Variants in ANK1 observed in about 807,000 individuals in gnomAD.
ANK1 encodes the protein ankyrin-1.
In ANK1, 51 loss-of-function variants were observed where a neutral mutation model predicts 210.4. The ratio of observed to expected loss-of-function variants is 0.24; its 90% CI spans 0.19 to 0.31. The LOEUF is 0.31. Among genes scored for constraint, ANK1 ranks in the 10% least tolerant of loss-of-function variants. The pLI, the probability that ANK1 is intolerant of heterozygous loss-of-function variation, is 1.00. For missense variants in ANK1, 2,051 were observed against 2,504.4 expected (o/e 0.82, Z 3.86); for synonymous variants, 967 against 1,025.9 (o/e 0.94, Z 1.10).
intron 2 of ANK1, among the ~76,000 whole-genome samples, chr8:41,750,022 G>A (rs1837293569): frequency 1.3e-5 from 2 of 152,220 alleles, no homozygotes; most frequent in South Asian, 4.1e-4. Flanking sequence ...AATGGAAATT[G>A]AATGCCGTGA....
chr8:41,788,706 C>A (rs1453596305), intron 1 of ANK1, among the ~76,000 whole-genome samples: 1 of 152,146 alleles, frequency 6.6e-6, no homozygotes, highest in Admixed American at 6.5e-5. Flanking sequence ...CCTCATCAAA[C>A]CTTACTGGTA....
intron 1 of ANK1, among the ~76,000 whole-genome samples, chr8:41,859,077 AG>A: frequency 6.6e-6 from 1 of 152,360 alleles, no homozygotes; most frequent in Admixed American, 6.5e-5. Flanking sequence ...GGACGCTGAA[AG>A]GGGTCAAGGG....
chr8:41,833,617 TCTC>T (rs1342401322), intron 1 of ANK1, among the ~76,000 whole-genome samples: 10 of 152,148 alleles, frequency 6.6e-5, no homozygotes, highest in Non-Finnish European at 1.3e-4. Flanking sequence ...GTCTAGGACA[TCTC>T]CTTGTCCCTG....
chr8:41,706,695 G>A (rs1824678204), intron 17 of ANK1, among the ~76,000 whole-genome samples: 2 of 152,222 alleles, frequency 1.3e-5, no homozygotes, highest in African/African-American at 4.8e-5. Flanking sequence ...TCAGAGCCCT[G>A]TAGCCTTGGT....
At chr8:41,853,975 G>T (rs1811744111) in intron 1 of ANK1, among the ~76,000 whole-genome samples, 1 of 152,090 alleles carries the variant, frequency 6.6e-6, no homozygotes, top group Non-Finnish European at 1.5e-5. Context: ...CGCTCAATTT[G>T]GGCTTAATAT....
intron 12 of ANK1, 27 bp downstream of exon 12, chr8:41,717,577 C>A (rs2150639535): frequency 6.5e-7 from 1 of 1,541,984 alleles, no homozygotes; most frequent in South Asian, 1.2e-5. Context: ...TCTAGGGGAG[C>A]AAGCCCCTGC....
rs1479766520 is a variant in ANK1, at chr8:41,732,138, G to GTAGT, written c.228+1829_228+1832dup. ...ATGATTCTACCTTCATAATATTTTG[G>GTAGT]TAGTTCACTTCATAACCATAAATTA... On this transcript the variant is annotated intron_variant, in intron 3 of 42. Transcript: ENST00000289734. Among the ~76,000 whole-genome samples, 12 of 152,126 alleles carry GTAGT rather than the reference G, an allele frequency of 7.9e-5. No homozygotes were observed. In the East Asian group the frequency reaches 9.6e-4, roughly 12 times the overall value.
Position 41,672,879 on chromosome 8 carries a change from G to A in ANK1, c.4571C>T (p.Pro1524Leu). Residue 1524 changes from proline (P) to leucine (L), a missense_variant, in exon 38 of 43, where the codon CCT becomes CTT. Physicochemically the swap from Pro to Leu is moderately conservative, Grantham distance 98 (BLOSUM62 -3). This residue lies in a region of ANK1 where 496 missense variants were observed against 533.4 expected (regional missense o/e 0.93). Coordinates refer to ENST00000289734, the MANE Select transcript of ANK1 (RefSeq NM_000037.4). ...GGAAAGTGCACAGCCCAGGGAGGCA[G>A]GGGACAGCAGCTCGTCCTGCAGTGA... The part of the protein sequence containing the change: ...YSSLQDELLS[P>L]ASLGCALSSP... 1.2e-6 allele frequency: 2 copies of A among 1,605,834 alleles called. No homozygotes were observed. The highest frequency in any genetic ancestry group is 1.7e-6 in the Non-Finnish European group (2 of 1,179,934).
intron 1 of ANK1, among the ~76,000 whole-genome samples, chr8:41,873,304 C>T (rs1307037792): frequency 1.3e-5 from 2 of 152,216 alleles, no homozygotes; most frequent in Admixed American, 1.3e-4. Context: ...TCCATCACAT[C>T]CTGACAGTGC....
At chr8:41,752,798 G>GA (rs140896334) in intron 2 of ANK1, among the ~76,000 whole-genome samples, 100 of 145,904 alleles carry the variant, frequency 6.9e-4, no homozygotes, top group Middle Eastern at 3.6e-3. Flanking sequence ...GCACACACAG[G>GA]CCCCCCCCCA....
intron 1 of ANK1, among the ~76,000 whole-genome samples, chr8:41,782,767 T>A (rs1453629473): frequency 1.3e-5 from 2 of 152,204 alleles, no homozygotes; most frequent in Non-Finnish European, 2.9e-5. Flanking sequence ...TATGCGAAAC[T>A]AAGTAAGCAA....
At chr8:41,757,898 C>T in intron 2 of ANK1, 138 bp downstream of exon 2, 5 of 848,390 alleles carry the variant, frequency 5.9e-6, no homozygotes, top group East Asian at 2.4e-5. Context: ...AGGTTAGGGC[C>T]TTCCACAGGC....
intron 2 of ANK1, among the ~76,000 whole-genome samples, chr8:41,755,673 A>G (rs899239814): frequency 6.6e-6 from 1 of 152,220 alleles, no homozygotes; most frequent in African/African-American, 2.4e-5. Flanking sequence ...AGAAGGTCCC[A>G]GACCCTGTCT....
intron 17 of ANK1, among the ~76,000 whole-genome samples, chr8:41,708,511 T>C (rs530562258): frequency 1.3e-5 from 2 of 152,368 alleles, no homozygotes; most frequent in African/African-American, 4.8e-5. Context: ...TTGATCTTTC[T>C]GCAGATCCTT....
At chr8:41,740,164 T>C (rs1425039038) in intron 2 of ANK1, among the ~76,000 whole-genome samples, 1 of 42,578 alleles carries the variant, frequency 2.3e-5, no homozygotes, top group African/African-American at 4.2e-5. Context: ...TGTTTTTGAT[T>C]TTTTTTTTTT....
chr8:41,805,802 C>T (rs953416321), intron 1 of ANK1, among the ~76,000 whole-genome samples: 1 of 152,172 alleles, frequency 6.6e-6, no homozygotes, highest in East Asian at 1.9e-4. Flanking sequence ...AAAACAGATA[C>T]GTTCCCATAT....
At chr8:41,827,163 T>C (rs542604845) in intron 1 of ANK1, among the ~76,000 whole-genome samples, 27 of 152,390 alleles carry the variant, frequency 1.8e-4, no homozygotes, top group African/African-American at 5.5e-4. Context: ...TTGAGCTCCA[T>C]ATTCCCCTAC....
intron 1 of ANK1, among the ~76,000 whole-genome samples, chr8:41,832,003 A>C (rs960142618): frequency 6.6e-6 from 1 of 152,154 alleles, no homozygotes; most frequent in Non-Finnish European, 1.5e-5. Context: ...CTGTGGTGGC[A>C]GGGGTGGGAA....
At chr8:41,721,764 C>T (rs1302196425) in intron 9 of ANK1, among the ~76,000 whole-genome samples, 1 of 151,708 alleles carries the variant, frequency 6.6e-6, no homozygotes, top group Non-Finnish European at 1.5e-5. Context: ...TTGTTTAAGC[C>T]ACTCAGCATG....
Sources: allele counts gnomAD v4.1 joint callset (sites outside exome capture counted in the v4.1 genomes callset), GRCh38; gene constraint gnomAD v4.1.1; regional missense constraint gnomAD v4.1.1; transcripts MANE v1.5; gene names NCBI Gene and HGNC (gene_info 2026-07-23, HGNC 2026-07-21).